The following ALG6 variants were observed in gnomAD, a reference collection of about 807,000 sequenced individuals.
ALG6 encodes ALG6 alpha-1,3-glucosyltransferase, also known as dolichyl pyrophosphate Man9GlcNAc2 alpha-1,3-glucosyltransferase.
Under a neutral mutation model 66.6 loss-of-function variants are expected in ALG6, and 46 were observed. That is an observed-to-expected ratio of 0.69 (90% confidence interval 0.55 to 0.88). The LOEUF (loss-of-function observed/expected upper bound fraction) is 0.88. Ranked by LOEUF, ALG6 falls within the 40% of genes least tolerant of loss-of-function variation. The pLI, the probability that ALG6 is intolerant of heterozygous loss-of-function variation, is 0.00. For synonymous variants in ALG6, 185 were observed against 203.7 expected (o/e 0.91, Z 0.78); for missense variants, 505 against 586.8 (o/e 0.86, Z 1.44).
chr1:63,437,348 G>A lies in ALG6; in HGVS notation c.*328G>A. On this transcript the variant is annotated 3_prime_UTR_variant, in exon 15 of 15. Transcript: ENST00000263440. ...ACTTTTTAAATGTCTTTAAAAAACTGAGAAATATTTCTTGATATTTGCTTT... is the reference window on the plus strand; with the variant it reads ...ACTTTTTAAATGTCTTTAAAAAACTAAGAAATATTTCTTGATATTTGCTTT... The A allele has an allele frequency of 3.5e-6, 1 of 281,794 alleles. No individual in the cohort carries two copies. The highest frequency in any genetic ancestry group is 6.8e-6 in the Non-Finnish European group (1 of 146,346). 17.5% of individuals were successfully genotyped at this position (281,794 alleles called of 1,614,324 possible). A position where few individuals can be genotyped will look rare whatever the true frequency, so the allele number is the denominator to read the frequency against.
At chr1:63,413,212 G>T (rs1644525127) in intron 9 of ALG6, among the ~76,000 whole-genome samples, 1 of 152,168 alleles carries the variant, frequency 6.6e-6, no homozygotes, top group Non-Finnish European at 1.5e-5. Context: ...CTTGAACTTG[G>T]AAAATTGTTT....
chr1:63,381,668 AGG>A (rs1365748141), intron 2 of ALG6, among the ~76,000 whole-genome samples: 3 of 47,370 alleles, frequency 6.3e-5, no homozygotes. Flanking sequence ...GAAGGAAGGG[AGG>A]GGAGGGGAGG....
Position 63,430,920 on chromosome 1 carries a change from T to C in ALG6, c.1326+1794T>C, listed in dbSNP as rs1367984031. Reference sequence around the variant, plus strand: ...CATCCAGTATATCTATTTTTTTCTTTTGTTGTGCTTTTGGTGTCATATCTA... The same window carrying C: ...CATCCAGTATATCTATTTTTTTCTTCTGTTGTGCTTTTGGTGTCATATCTA... On this transcript the variant is annotated intron_variant, in intron 14 of 14. Transcript: ENST00000263440. Among the ~76,000 whole-genome samples, 5 of 152,214 alleles carry C rather than the reference T, an allele frequency of 3.3e-5. No homozygotes were observed. In the East Asian group the frequency reaches 5.8e-4, roughly 18 times the overall value.
At chr1:63,396,386 C>A in intron 2 of ALG6, 127 bp from the exon 3 acceptor site, 2 of 788,470 alleles carry the variant, frequency 2.5e-6, no homozygotes, top group East Asian at 2.6e-5. Flanking sequence ...CTGACTTTCT[C>A]GGTAACTCCT....
intron 12 of ALG6, among the ~76,000 whole-genome samples, chr1:63,422,398 TATCTATATAA>T (rs1180045778): frequency 1.4e-5 from 1 of 70,530 alleles, no homozygotes; most frequent in Non-Finnish European, 2.6e-5. Flanking sequence ...TATAAATATA[TATCTATATAA>T]ATATAAATAT....
chr1:63,372,688 A>G (rs956813262), intron 2 of ALG6, among the ~76,000 whole-genome samples: 3 of 151,996 alleles, frequency 2.0e-5, no homozygotes, highest in Non-Finnish European at 2.9e-5. Flanking sequence ...TTGAGAAAAA[A>G]AAGCTCTGTC....
chr1:63,422,224 TAA>T (rs1491159193), intron 12 of ALG6, among the ~76,000 whole-genome samples: 1 of 57,708 alleles, frequency 1.7e-5, no homozygotes, highest in African/African-American at 9.0e-5. Flanking sequence ...TATATTTATA[TAA>T]ATATAAATAT....
intron 2 of ALG6, among the ~76,000 whole-genome samples, chr1:63,379,650 C>T (rs908087394): frequency 2.6e-5 from 4 of 151,494 alleles, no homozygotes; most frequent in Non-Finnish European, 5.9e-5. Flanking sequence ...TTTCTGGGGC[C>T]TCTAAGGAAT....
At chr1:63,368,456 C>T (rs1330104702) in intron 1 of ALG6, among the ~76,000 whole-genome samples, 1 of 152,042 alleles carries the variant, frequency 6.6e-6, no homozygotes, top group African/African-American at 2.4e-5. Context: ...GATCCCTGCT[C>T]ACAGGGAGCC....
intron 12 of ALG6, among the ~76,000 whole-genome samples, chr1:63,420,178 G>A (rs1251480718): frequency 6.6e-6 from 1 of 152,134 alleles, no homozygotes; most frequent in Non-Finnish European, 1.5e-5. Context: ...TTCGTGCAGA[G>A]CTGGGCTGGC....
At chr1:63,429,820 T>G (rs1644636111) in intron 14 of ALG6, 1 of 152,176 alleles carries the variant, frequency 6.6e-6, no homozygotes, top group Non-Finnish European at 1.5e-5. Flanking sequence ...ATAATAAAAT[T>G]GTGGTCTTTA....
Position 63,409,695 on chromosome 1 carries a change from T to C in ALG6, c.495-1451T>C, listed in dbSNP as rs139484103. On this transcript the variant is annotated intron_variant, in intron 7 of 14. Coordinates refer to ENST00000263440, the MANE Select transcript of ALG6 (RefSeq NM_013339.4). ...GATTCTTTTTCTGTCATAGGTTTTC[T>C]ATAAATGTTTATTTTATCCTAGTGT... is the stretch of plus-strand genomic sequence containing the variant. Among the ~76,000 whole-genome samples the C allele has an allele frequency of 9.6e-3, 1,467 of 152,334 alleles. 20 individuals carry two copies. The highest frequency in any genetic ancestry group is 0.032 in the African/African-American group (1,343 of 41,574).
chr1:63,380,241 G>A (rs1170294811), intron 2 of ALG6, among the ~76,000 whole-genome samples: 1 of 152,006 alleles, frequency 6.6e-6, no homozygotes, highest in Non-Finnish European at 1.5e-5. Context: ...AATAGACAAG[G>A]GATCTATAGG....
intron 3 of ALG6, among the ~76,000 whole-genome samples, chr1:63,400,236 T>C (rs1359222904): frequency 3.0e-4 from 5 of 16,702 alleles, no homozygotes; most frequent in African/African-American, 2.5e-3. Context: ...TATATATATA[T>C]ATATATACGT....
In ALG6 at chr1:63,371,004, A is replaced by T; in HGVS notation, c.27A>T (p.Val9=). 1 of 1,610,202 alleles carries T rather than the reference A, an allele frequency of 6.2e-7. No individual in the cohort carries two copies. The highest frequency in any genetic ancestry group is 8.5e-7 in the Non-Finnish European group (1 of 1,176,574). The change falls in exon 2 of 15, where the codon GTA becomes GTT. Residue 9 remains valine (V), a synonymous_variant. Transcript: ENST00000263440. The stretch of plus-strand genomic sequence containing the variant: ...TGGAGAAATGGTACTTGATGACAGT[A>T]GTGGTTTTAATAGGACTAACAGTAC... MEKWYLMT[V]VVLIGLTVRW...
intron 14 of ALG6, among the ~76,000 whole-genome samples, chr1:63,434,006 C>T (rs935153279): frequency 2.0e-5 from 3 of 152,184 alleles, no homozygotes; most frequent in Admixed American, 2.0e-4. Context: ...AAGAGAAAAA[C>T]TGCAAATGCA....
At chr1:63,407,961 TCTGATAATA>T (rs1644498318) in intron 7 of ALG6, among the ~76,000 whole-genome samples, 2 of 152,148 alleles carry the variant, frequency 1.3e-5, no homozygotes, top group Non-Finnish European at 2.9e-5. Flanking sequence ...TATCAGATAC[TCTGATAATA>T]TCAAGAACAG....
rs890580325 is a variant in ALG6 at position 63,437,085 on chromosome 1, G to A, written c.*65G>A. 1.4e-6 allele frequency: 2 copies of A among 1,458,174 alleles called. No individual in the cohort carries two copies. The highest frequency in any genetic ancestry group is 1.9e-6 in the Non-Finnish European group (2 of 1,056,134). The allele number at this position is 1,458,174 out of a possible 1,614,324, so 90.3% of individuals were successfully genotyped here. On this transcript the variant is annotated 3_prime_UTR_variant, in exon 15 of 15. Transcript: ENST00000263440. Reference sequence around the variant, plus strand: ...AATGTGAACAGTGCTGAAAGGTTTTGTGAACTTTTTGCTATGTATAAATGA... The same window carrying A: ...AATGTGAACAGTGCTGAAAGGTTTTATGAACTTTTTGCTATGTATAAATGA...
chr1:63,414,471 A>G (rs1644532262), intron 10 of ALG6, among the ~76,000 whole-genome samples: 2 of 152,092 alleles, frequency 1.3e-5, no homozygotes. Context: ...GCTGGTCTCG[A>G]ACTCCTGACC....
Sources: gnomAD v4.1 joint callset for allele counts (sites outside exome capture counted in the v4.1 genomes callset) on GRCh38, gnomAD v4.1.1 for gene constraint, MANE v1.5 for transcripts, NCBI Gene and HGNC (gene_info 2026-07-23, HGNC 2026-07-21) for gene names.